Variants in MDGA2 observed in about 807,000 individuals in gnomAD.
MDGA2 encodes the protein MAM domain containing glycosylphosphatidylinositol anchor 2.
MDGA2 carries 40 observed loss-of-function variants against 117.8 expected under a neutral mutation model. The observed-to-expected ratio is 0.34, with a 90% CI of 0.26 to 0.44. The LOEUF (loss-of-function observed/expected upper bound fraction) is 0.44. Ranked by LOEUF, MDGA2 falls within the 20% of genes least tolerant of loss-of-function variation. The pLI is 1.00. For synonymous variants in MDGA2, 452 were observed against 439.0 expected (o/e 1.03, Z -0.37); for missense variants, 1,123 against 1,250.6 (o/e 0.90, Z 1.54).
chr14:47,529,152 C>G (rs1306409023), intron 1 of MDGA2, among the ~76,000 whole-genome samples: 1 of 152,068 alleles, frequency 6.6e-6, no homozygotes, highest in African/African-American at 2.4e-5. Flanking sequence ...ATGCCCGCCA[C>G]CACACCTGGC....
intron 11 of MDGA2, 80 bp from the exon 12 acceptor site, chr14:46,877,589 A>C: frequency 9.9e-7 from 1 of 1,014,284 alleles, no homozygotes; most frequent in Non-Finnish European, 1.5e-6. Flanking sequence ...ATAAAAGTCT[A>C]ATCAGTGTCT....
intron 2 of MDGA2, among the ~76,000 whole-genome samples, chr14:47,240,954 C>A (rs1422102335): frequency 6.6e-6 from 1 of 151,732 alleles, no homozygotes; most frequent in African/African-American, 2.4e-5. Context: ...GTTATGCATA[C>A]CATCCAAGAG....
chr14:47,465,976 T>A (rs1893595002), intron 1 of MDGA2, among the ~76,000 whole-genome samples: 1 of 152,142 alleles, frequency 6.6e-6, no homozygotes, highest in Non-Finnish European at 1.5e-5. Context: ...CACCATGAAA[T>A]ACTATGTAGT....
At chr14:47,019,620 G>T (rs1467737066) in intron 8 of MDGA2, among the ~76,000 whole-genome samples, 1 of 152,078 alleles carries the variant, frequency 6.6e-6, no homozygotes, top group East Asian at 1.9e-4. Flanking sequence ...GAGGCGGGCG[G>T]ATCACGAGGT....
intron 1 of MDGA2, among the ~76,000 whole-genome samples, chr14:47,674,157 G>T (rs1417503099): frequency 6.6e-6 from 1 of 151,852 alleles, no homozygotes; most frequent in Admixed American, 6.6e-5. Context: ...CCTGGGGGGT[G>T]GGGGGAAACC....
chr14:47,534,756 G>T (rs917566904), intron 1 of MDGA2, among the ~76,000 whole-genome samples: 1 of 152,164 alleles, frequency 6.6e-6, no homozygotes, highest in African/African-American at 2.4e-5. Flanking sequence ...ACCAAGTCTG[G>T]TATATTGCGG....
At chr14:47,111,612 C>A (rs901782348) in intron 5 of MDGA2, among the ~76,000 whole-genome samples, 5 of 152,112 alleles carry the variant, frequency 3.3e-5, no homozygotes, top group African/African-American at 1.2e-4. Flanking sequence ...TGGATATGTT[C>A]ACATCTCACA....
intron 1 of MDGA2, among the ~76,000 whole-genome samples, chr14:47,345,976 A>C (rs1287763747): frequency 2.6e-5 from 4 of 152,030 alleles, no homozygotes; most frequent in Non-Finnish European, 5.9e-5. Flanking sequence ...TTCTTCAAGG[A>C]TGCAAAATTA....
At chr14:47,343,990 G>A (rs986767701) in intron 1 of MDGA2, among the ~76,000 whole-genome samples, 2 of 152,058 alleles carry the variant, frequency 1.3e-5, no homozygotes, top group African/African-American at 2.4e-5. Context: ...ATACCTCCGC[G>A]CATCTAGAAA....
intron 14 of MDGA2, among the ~76,000 whole-genome samples, chr14:46,862,291 A>T (rs1045833487): frequency 5.3e-5 from 8 of 151,770 alleles, no homozygotes; most frequent in African/African-American, 1.7e-4. Flanking sequence ...TTATGTTTAA[A>T]GACTACAGGC....
chr14:47,092,062 C>T (rs1879689344), intron 6 of MDGA2, among the ~76,000 whole-genome samples: 1 of 152,068 alleles, frequency 6.6e-6, no homozygotes, highest in Non-Finnish European at 1.5e-5. Context: ...GCTACTTTAT[C>T]TAATATAGCA....
intron 2 of MDGA2, among the ~76,000 whole-genome samples, chr14:47,225,222 A>G (rs1394866892): frequency 6.6e-6 from 1 of 152,006 alleles, no homozygotes; most frequent in African/African-American, 2.4e-5. Flanking sequence ...TGGGACTGTA[A>G]ACTAGTTCAA....
chr14:47,178,770 A>G (rs1297079424), intron 3 of MDGA2, among the ~76,000 whole-genome samples: 2 of 152,190 alleles, frequency 1.3e-5, no homozygotes, highest in Non-Finnish European at 2.9e-5. Flanking sequence ...ATTCAAATGT[A>G]TATAGAAACT....
intron 1 of MDGA2, among the ~76,000 whole-genome samples, chr14:47,391,067 A>G (rs1891883116): frequency 6.6e-6 from 1 of 152,128 alleles, no homozygotes; most frequent in South Asian, 2.1e-4. Flanking sequence ...TATGCTTTTA[A>G]GGTGCTGTTC....
chr14:47,319,540 C>T (rs775915727), intron 1 of MDGA2, among the ~76,000 whole-genome samples: 2 of 152,036 alleles, frequency 1.3e-5, no homozygotes, highest in African/African-American at 2.4e-5. Context: ...AAAGAAGGTG[C>T]CAAGGGTATT....
At chr14:47,017,021 T>A (rs976637829) in intron 8 of MDGA2, among the ~76,000 whole-genome samples, 3 of 151,964 alleles carry the variant, frequency 2.0e-5, no homozygotes, top group Non-Finnish European at 4.4e-5. Context: ...ATGTGTAACC[T>A]CCTTTCCTAT....
At chr14:47,154,800 T>C (rs759802068) in intron 3 of MDGA2, among the ~76,000 whole-genome samples, 30 of 152,082 alleles carry the variant, frequency 2.0e-4, no homozygotes, top group Non-Finnish European at 3.1e-4. Flanking sequence ...CAGGGCGCCA[T>C]GAAGAGGCAG....
At chr14:47,619,119 A>ACACACC (rs1897000940) in intron 1 of MDGA2, among the ~76,000 whole-genome samples, 1 of 125,042 alleles carries the variant, frequency 8.0e-6, no homozygotes. Context: ...GTTTAATTAC[A>ACACACC]CACACACACA....
chr14:47,501,641 C>T (rs1894402409), intron 1 of MDGA2, among the ~76,000 whole-genome samples: 2 of 152,032 alleles, frequency 1.3e-5, no homozygotes, highest in South Asian at 4.2e-4. Context: ...TAGAGTGGGC[C>T]TTTATCCAGT....
Sources: gnomAD v4.1 joint callset for allele counts (sites outside exome capture counted in the v4.1 genomes callset) on GRCh38, gnomAD v4.1.1 for gene constraint, MANE v1.5 for transcripts, NCBI Gene and HGNC (gene_info 2026-07-23, HGNC 2026-07-21) for gene names.